Variants in SGIP1 observed in about 807,000 individuals in gnomAD.
The protein encoded by SGIP1 is SH3GL interacting endocytic adaptor 1, also known as SH3-containing GRB2-like protein 3-interacting protein 1.
In SGIP1, 38 loss-of-function variants were observed where a neutral mutation model predicts 107.5. The ratio of observed to expected loss-of-function variants is 0.35; its 90% confidence interval spans 0.27 to 0.46. The LOEUF is 0.46. SGIP1 is among the 20% of genes least tolerant of loss of function. SGIP1 has a pLI of 1.00. For missense variants in SGIP1, 929 were observed against 1,019.5 expected (o/e 0.91, Z 1.21); for synonymous variants, 365 against 366.1 (o/e 1.00, Z 0.03).
At chr1:66,633,964 A>G (rs1026932304) in intron 3 of SGIP1, 25 of 795,250 alleles carry the variant, frequency 3.1e-5, no homozygotes, top group Non-Finnish European at 4.6e-5. Context: ...ACTTGACTCA[A>G]GGTTCTTAGC....
chr1:66,684,124 C>A lies in SGIP1; in HGVS notation c.1315+1755C>A. 6 of 1,550,510 alleles carry A rather than the reference C, an allele frequency of 3.9e-6. No homozygotes were observed. In the Admixed American group the frequency reaches 9.8e-5, roughly 25 times the overall value. ...TTTTACAGATGGGAAAACTGAGGCT[C>A]AGAGATATCAAGTAATTTGCCCAAG... On this transcript the variant is annotated intron_variant, in intron 15 of 24. Coordinates refer to ENST00000371037, the MANE Select transcript of SGIP1 (RefSeq NM_032291.4).
chr1:66,701,210 A>C (rs2146905), intron 18 of SGIP1, among the ~76,000 whole-genome samples: 64,516 of 151,888 alleles, frequency 0.42, 14,293 homozygotes, highest in East Asian at 0.72. Context: ...TTTGAGAGAC[A>C]CTAAAGGAAG....
At chr1:66,694,276 A>C (rs2090442264) in intron 17 of SGIP1, among the ~76,000 whole-genome samples, 1 of 151,638 alleles carries the variant, frequency 6.6e-6, no homozygotes, top group African/African-American at 2.4e-5. Context: ...ATAAGAAAAC[A>C]CTTCTTTATA....
At position 66,677,318 on chromosome 1, in the gene SGIP1, A is replaced by G. The variant is rs558093595; in HGVS notation, c.739+222A>G. On this transcript the variant is annotated intron_variant, in intron 13 of 24. Coordinates refer to ENST00000371037, the MANE Select transcript of SGIP1 (RefSeq NM_032291.4). ...TAATAAAGCAAATTATTAACCTTGA[A>G]TCATAGCCTTTTCTGAAATCCCACA... 4.6e-5 allele frequency among the ~76,000 whole-genome samples: 7 copies of G among 152,374 alleles called. No homozygotes were observed. In the South Asian group the frequency reaches 1.4e-3, roughly 32 times the overall value.
chr1:66,595,122 A>C (rs2064370591), intron 1 of SGIP1, among the ~76,000 whole-genome samples: 2 of 152,178 alleles, frequency 1.3e-5, no homozygotes. Context: ...AGACACATTT[A>C]TCAGATTTGT....
chr1:66,578,121 TG>T (rs2061331976), intron 1 of SGIP1, among the ~76,000 whole-genome samples: 1 of 152,214 alleles, frequency 6.6e-6, no homozygotes, highest in South Asian at 2.1e-4. Flanking sequence ...CTACTGGTAC[TG>T]GGCATTATTG....
At chr1:66,673,583 A>G (rs1255442405) in intron 12 of SGIP1, among the ~76,000 whole-genome samples, 1 of 152,206 alleles carries the variant, frequency 6.6e-6, no homozygotes, top group Admixed American at 6.5e-5. Context: ...AATATCTAAT[A>G]GCTAAGAAGC....
intron 2 of SGIP1, among the ~76,000 whole-genome samples, chr1:66,628,731 T>C (rs572739578): frequency 2.6e-5 from 4 of 152,292 alleles, no homozygotes; most frequent in African/African-American, 9.6e-5. Context: ...TCTTCCATCA[T>C]CATTTCTAAA....
At chr1:66,575,352 C>A (rs2060916384) in intron 1 of SGIP1, among the ~76,000 whole-genome samples, 2 of 152,150 alleles carry the variant, frequency 1.3e-5, no homozygotes, top group Non-Finnish European at 2.9e-5. Flanking sequence ...ATTTGGCCAA[C>A]TTTTTCACTC....
chr1:66,570,768 C>T (rs1228970848), intron 1 of SGIP1, among the ~76,000 whole-genome samples: 1 of 151,874 alleles, frequency 6.6e-6, no homozygotes, highest in African/African-American at 2.4e-5. Context: ...ACCATGATTC[C>T]ATCCTCCATT....
At chr1:66,633,645 T>C (rs2075242910) in intron 3 of SGIP1, among the ~76,000 whole-genome samples, 1 of 152,180 alleles carries the variant, frequency 6.6e-6, no homozygotes, top group South Asian at 2.1e-4. Flanking sequence ...TCTGACTCCT[T>C]GCTGGCCACC....
At chr1:66,616,761 G>A (rs556465864) in intron 1 of SGIP1, among the ~76,000 whole-genome samples, 11 of 152,138 alleles carry the variant, frequency 7.2e-5, no homozygotes, top group Non-Finnish European at 1.6e-4. Context: ...CCTATTTCAT[G>A]ACCATCTTCT....
chr1:66,665,170 T>C (rs2082278634), intron 8 of SGIP1, among the ~76,000 whole-genome samples: 1 of 152,156 alleles, frequency 6.6e-6, no homozygotes, highest in Non-Finnish European at 1.5e-5. Context: ...CCCCACCCTG[T>C]GTCCAAGCAT....
At chr1:66,561,249 A>G (rs899608328) in intron 1 of SGIP1, among the ~76,000 whole-genome samples, 1 of 152,024 alleles carries the variant, frequency 6.6e-6, no homozygotes, top group Non-Finnish European at 1.5e-5. Flanking sequence ...AGTGACATTC[A>G]CTTTGTTTGG....
chr1:66,660,657 A>G (rs2081289143), intron 8 of SGIP1, 133 bp downstream of exon 8: 2 of 882,882 alleles, frequency 2.3e-6, no homozygotes, highest in Non-Finnish European at 3.7e-6. Context: ...AATCTTTGCG[A>G]ACCATGACCA....
At chr1:66,634,237 C>A in intron 3 of SGIP1, 3 of 1,144,338 alleles carry the variant, frequency 2.6e-6, no homozygotes, top group East Asian at 5.0e-5. Context: ...CCCCTCTGAC[C>A]TTTGCAAAGC....
chr1:66,650,877 G>A (rs1460664656), intron 7 of SGIP1, among the ~76,000 whole-genome samples: 1 of 152,138 alleles, frequency 6.6e-6, no homozygotes, highest in Admixed American at 6.5e-5. Flanking sequence ...CAAGCATTTT[G>A]TTCCTTACTG....
At chr1:66,626,376 C>G (rs1164701980) in intron 2 of SGIP1, among the ~76,000 whole-genome samples, 3 of 152,062 alleles carry the variant, frequency 2.0e-5, no homozygotes, top group Non-Finnish European at 4.4e-5. Flanking sequence ...AGATTTTGTA[C>G]AAGCCAAATT....
At chr1:66,617,718 A>T (rs1335197026) in intron 1 of SGIP1, among the ~76,000 whole-genome samples, 1 of 152,166 alleles carries the variant, frequency 6.6e-6, no homozygotes, top group African/African-American at 2.4e-5. Flanking sequence ...TTTAGCAAAT[A>T]TTTATGGGGT....
Sources: gnomAD v4.1 joint callset for allele counts (sites outside exome capture counted in the v4.1 genomes callset) on GRCh38, gnomAD v4.1.1 for gene constraint, MANE v1.5 for transcripts, NCBI Gene and HGNC (gene_info 2026-07-23, HGNC 2026-07-21) for gene names.